NDC80: variants seen among roughly 807,000 people sequenced by gnomAD.
The protein encoded by NDC80 is kinetochore protein NDC80 homolog.
A neutral mutation model predicts 89.3 loss-of-function variants in NDC80; 69 were observed. The ratio of observed to expected loss-of-function variants is 0.77; its 90% CI spans 0.64 to 0.94. The LOEUF (loss-of-function observed/expected upper bound fraction) is 0.94. Ranked by LOEUF, NDC80 falls within the 40% of genes least tolerant of loss-of-function variation. The probability of loss-of-function intolerance (pLI) is 0.00; values close to 1 mark genes in which losing one functional copy is unlikely to be tolerated. For synonymous variants in NDC80, 243 were observed against 255.6 expected, an observed-to-expected ratio of 0.95 and a Z score of 0.47; for missense variants, 593 against 739.6, an observed-to-expected ratio of 0.80 and a Z score of 2.30.
At position 2,601,324 on chromosome 18, in the gene NDC80, G is replaced by C. The variant is rs1336479239; in HGVS notation, c.1375-72G>C. ...CAAAAGTGACTCCTCCTATCACAGT[G>C]TGTAGATGCTTCAGGAGGGATATTT... On this transcript the variant is annotated intron_variant, in intron 12 of 16. Transcript: ENST00000261597. 4.6e-5 allele frequency: 28 copies of C among 604,206 alleles called. No homozygotes were observed. The East Asian group carries it at 8.8e-4, about 19-fold the overall frequency. 37.4% of individuals were successfully genotyped at this position (604,206 alleles called of 1,614,324 possible).
At chr18:2,576,016 T>C (rs2072544780) in intron 3 of NDC80, among the ~76,000 whole-genome samples, 1 of 152,208 alleles carries the variant, frequency 6.6e-6, no homozygotes, top group African/African-American at 2.4e-5. Flanking sequence ...GGAGGTTTAC[T>C]TGAGCCCAGA....
At chr18:2,597,708 C>T (rs1312337404) in intron 11 of NDC80, among the ~76,000 whole-genome samples, 1 of 144,438 alleles carries the variant, frequency 6.9e-6, no homozygotes, top group Non-Finnish European at 1.5e-5. Flanking sequence ...CCAGCCTGGG[C>T]AAAAATAGCA....
At chr18:2,605,573 A>G (rs1305308039) in intron 13 of NDC80, among the ~76,000 whole-genome samples, 3 of 152,064 alleles carry the variant, frequency 2.0e-5, no homozygotes, top group African/African-American at 4.8e-5. Context: ...CTTTAGAAAA[A>G]GTTCTTGGTG....
intron 14 of NDC80, 27 bp downstream of exon 14, chr18:2,606,534 G>C: frequency 6.7e-7 from 1 of 1,488,830 alleles, no homozygotes; most frequent in Non-Finnish European, 9.2e-7. Context: ...AGTTTGCGTA[G>C]GTTATCAAAA....
chr18:2,585,206 C>T lies in NDC80; in HGVS notation c.669+4C>T. ...AGATGGAATTATGCATAATAAGGTA[C>T]CATGTATTATCATAAACTGTAATAA... is the stretch of plus-strand genomic sequence containing the variant. On this transcript the variant is annotated splice_donor_region_variant and intron_variant, in intron 7 of 16. Transcript: ENST00000261597. The T allele has an allele frequency of 6.3e-6, 10 of 1,594,120 alleles. No homozygotes were observed. The highest frequency in any genetic ancestry group is 8.6e-6 in the Non-Finnish European group (10 of 1,162,502).
At chr18:2,614,579 A>G (rs1259698393) in intron 16 of NDC80, 50 of 3,056 alleles carry the variant, frequency 0.016, 19 homozygotes, top group African/African-American at 0.068. Flanking sequence ...GAAAGAAAGA[A>G]AGAAAGAAAG....
intron 14 of NDC80, 63 bp downstream of exon 14, chr18:2,606,570 C>A: frequency 1.9e-6 from 2 of 1,044,666 alleles, no homozygotes; most frequent in South Asian, 1.5e-5. Context: ...CTTGATGAGT[C>A]ACATATTCTG....
chr18:2,589,879 T>C, intron 9 of NDC80, 139 bp from the exon 10 acceptor site: 1 of 564,864 alleles, frequency 1.8e-6, no homozygotes, highest in Non-Finnish European at 2.7e-6. Context: ...CTTTTAGTTC[T>C]TTTGACTTCC....
At chr18:2,607,458 G>A (rs948340543) in intron 14 of NDC80, among the ~76,000 whole-genome samples, 1 of 151,984 alleles carries the variant, frequency 6.6e-6, no homozygotes, top group Non-Finnish European at 1.5e-5. Context: ...AAAATTTCCT[G>A]TTGTTCAGAC....
chr18:2,611,877 G>A (rs12606692), intron 16 of NDC80, among the ~76,000 whole-genome samples: 27,534 of 151,466 alleles, frequency 0.18, 3,061 homozygotes, highest in East Asian at 0.44. Flanking sequence ...CTGCTTTCTT[G>A]GTGCCAATGG....
intron 13 of NDC80, among the ~76,000 whole-genome samples, chr18:2,604,115 T>C (rs570690621): frequency 6.6e-6 from 1 of 151,932 alleles, no homozygotes; most frequent in Non-Finnish European, 1.5e-5. Context: ...TAGATGGTGA[T>C]ACTAGTACAG....
At chr18:2,591,360 G>A (rs2072626639) in intron 10 of NDC80, among the ~76,000 whole-genome samples, 1 of 152,146 alleles carries the variant, frequency 6.6e-6, no homozygotes, top group East Asian at 1.9e-4. Flanking sequence ...CCACTGGGCT[G>A]TACTTTTAAA....
chr18:2,581,562 G>A (rs980804817), intron 6 of NDC80, among the ~76,000 whole-genome samples: 2 of 152,168 alleles, frequency 1.3e-5, no homozygotes, highest in Admixed American at 6.5e-5. Context: ...GGGAAGCTGA[G>A]GCACAAGAAT....
chr18:2,600,546 T>C (rs189741279), intron 12 of NDC80, among the ~76,000 whole-genome samples: 40 of 151,252 alleles, frequency 2.6e-4, no homozygotes, highest in African/African-American at 9.2e-4. Flanking sequence ...AGGCAGAGGT[T>C]GCAGTGAGCC....
intron 10 of NDC80, among the ~76,000 whole-genome samples, chr18:2,593,108 G>A (rs1311634157): frequency 6.9e-6 from 1 of 145,576 alleles, no homozygotes; most frequent in South Asian, 2.2e-4. Context: ...AGCCTGGAGT[G>A]CAATGGCACG....
intron 12 of NDC80, 113 bp downstream of exon 12, chr18:2,599,284 A>C (rs1370718879): frequency 8.0e-6 from 6 of 753,800 alleles, no homozygotes; most frequent in Non-Finnish European, 1.2e-5. Flanking sequence ...TAAAACACTG[A>C]AACTGTATCT....
chr18:2,598,356 AGCT>A (rs2143655866), intron 11 of NDC80, among the ~76,000 whole-genome samples: 1 of 152,358 alleles, frequency 6.6e-6, no homozygotes. Context: ...CTGAGGATAG[AGCT>A]GTTTTCATGG....
intron 3 of NDC80, 96 bp from the exon 4 acceptor site, chr18:2,577,650 G>T: frequency 7.8e-7 from 1 of 1,283,152 alleles, no homozygotes; most frequent in Non-Finnish European, 1.1e-6. Flanking sequence ...CGTAATGTTT[G>T]ATGTTGATGT....
At chr18:2,616,108 C>T (rs1028090631) in intron 16 of NDC80, among the ~76,000 whole-genome samples, 1 of 152,106 alleles carries the variant, frequency 6.6e-6, no homozygotes, top group Non-Finnish European at 1.5e-5. Context: ...TCACTGCAAC[C>T]TCCACTTCCC....
Sources: gnomAD v4.1 joint callset for allele counts (sites outside exome capture counted in the v4.1 genomes callset) on GRCh38, gnomAD v4.1.1 for gene constraint, MANE v1.5 for transcripts, NCBI Gene and HGNC (gene_info 2026-07-23, HGNC 2026-07-21) for gene names.